MEFV: variants seen among roughly 807,000 people sequenced by gnomAD.
The protein encoded by MEFV is MEFV innate immunity regulator, pyrin, also known as pyrin.
A neutral mutation model predicts 62.5 loss-of-function variants in MEFV; 60 were observed. The observed-to-expected ratio is 0.96, with a 90% CI of 0.78 to 1.19. The LOEUF is 1.19. Among genes scored for constraint, MEFV ranks in the 50% most tolerant of loss-of-function variants. MEFV has a pLI of 0.00. For missense variants in MEFV, 1,169 were observed against 1,004.5 expected (o/e 1.16, Z -2.21); for synonymous variants, 500 against 415.2 (o/e 1.20, Z -2.48).
At chr16:3,246,907 C>T in intron 5 of MEFV, 109 bp downstream of exon 5, 1 of 1,089,802 alleles carries the variant, frequency 9.2e-7, no homozygotes, top group Non-Finnish European at 1.4e-6. Flanking sequence ...TATCCTAGGC[C>T]TTAGGGGCTT....
Position 3,254,308 on chromosome 16 carries a change from G to A in MEFV, c.760C>T (p.Pro254Ser), listed in dbSNP as rs147421301. ...EVTISTGEKA[P>S]ANPEILLTLE... ...GTCAGGAGAATTTCTGGATTTGCGGGCGCCTTCTCCCCTGTAGAAATGGTG... is the reference window on the plus strand; with the variant it reads ...GTCAGGAGAATTTCTGGATTTGCGGACGCCTTCTCCCCTGTAGAAATGGTG... The change falls in exon 2 of 10, where the codon CCC becomes TCC. Residue 254 changes from proline (P) to serine (S), a missense_variant. Transcript: ENST00000219596. The A allele has an allele frequency of 1.2e-5, 19 of 1,614,124 alleles. No individual in the cohort carries two copies. In the African/African-American group the frequency reaches 2.1e-4, roughly 18 times the overall value.
rs104895098 is a variant in MEFV, at chr16:3,243,423, G to A, written c.2064C>T (p.Tyr688=). The A allele has an allele frequency of 3.7e-6, 6 of 1,614,012 alleles. No homozygotes were observed. Among genetic ancestry groups the A allele is most frequent in the African/African-American group, 1.3e-5 (1 of 74,894 alleles). The change falls in exon 10 of 10, where the codon TAC becomes TAT. Residue 688 remains tyrosine, a synonymous_variant. Coordinates refer to ENST00000219596, the MANE Select transcript of MEFV (RefSeq NM_000243.3). ...GNMTLSPENG[Y]WVVIMMKENE... The stretch of plus-strand genomic sequence containing the variant: ...TTTCCTTCATCATTATCACCACCCA[G>A]TAGCCATTCTCTGGCGACAGAGTCA...
At chr16:3,244,222 A>C (rs1206340769) in intron 8 of MEFV, 32 bp downstream of exon 8, 3 of 1,613,754 alleles carry the variant, frequency 1.9e-6, no homozygotes, top group Non-Finnish European at 2.5e-6. Flanking sequence ...CAACAACCCC[A>C]GGCCAGCACA....
chr16:3,254,525 G>A lies in MEFV; in HGVS notation c.543C>T (p.Ala181=). 2 of 1,556,558 alleles carry A rather than the reference G, an allele frequency of 1.3e-6. No individual in the cohort carries two copies. The highest frequency in any genetic ancestry group is 1.7e-6 in the Non-Finnish European group (2 of 1,154,590). Reference sequence around the variant, plus strand: ...GGCCGGGGCTTCTCCCGCCCGGCAGGGCCGGGCTCCGGGTCCGAGGCTTGC... The same window carrying A: ...GGCCGGGGCTTCTCCCGCCCGGCAGAGCCGGGCTCCGGGTCCGAGGCTTGC... ...AQGKPRTRSP[A]LPGGRSPGPC... Residue 181 remains alanine, a synonymous_variant, in exon 2 of 10, where the codon GCC becomes GCT. Coordinates refer to ENST00000219596, the MANE Select transcript of MEFV (RefSeq NM_000243.3).
Position 3,255,609 on chromosome 16 carries a change from G to A in MEFV, c.277+702C>T, listed in dbSNP as rs186554321. On this transcript the variant is annotated intron_variant, in intron 1 of 9. Coordinates refer to ENST00000219596, the MANE Select transcript of MEFV (RefSeq NM_000243.3). ...TTTGGTAGAGACAGGGTTTCACCATGTTGCCCAAGCTGGTCTCAAACTCCT... is the reference window on the plus strand; with the variant it reads ...TTTGGTAGAGACAGGGTTTCACCATATTGCCCAAGCTGGTCTCAAACTCCT... Among the ~76,000 whole-genome samples, 29 of 151,856 alleles carry A rather than the reference G, an allele frequency of 1.9e-4. No homozygotes were observed. The East Asian group carries it at 5.4e-3, about 28-fold the overall frequency.
chr16:3,243,018 G>A lies in MEFV; in HGVS notation c.*123C>T, dbSNP rs907842839. The A allele has an allele frequency of 1.7e-5, 20 of 1,145,246 alleles. No individual in the cohort carries two copies. Among genetic ancestry groups the A allele is most frequent in the Admixed American group, 1.6e-4 (8 of 51,344 alleles). 70.9% of individuals were successfully genotyped at this position (1,145,246 alleles called of 1,614,324 possible). ...TAATCGGGTAGGCTCCGTGGGCACAGTAACTATTTTGTTATTTTTGCATTT... is the reference window on the plus strand; with the variant it reads ...TAATCGGGTAGGCTCCGTGGGCACAATAACTATTTTGTTATTTTTGCATTT... On this transcript the variant is annotated 3_prime_UTR_variant, in exon 10 of 10. Transcript: ENST00000219596.
chr16:3,249,381 G>T, intron 3 of MEFV, 50 bp downstream of exon 3: 1 of 1,518,558 alleles, frequency 6.6e-7, no homozygotes, highest in Non-Finnish European at 9.1e-7. Flanking sequence ...GTAAGGCCCA[G>T]TGTGTCCAAG....
chr16:3,254,214 C>G lies in MEFV; in HGVS notation c.854G>C (p.Gly285Ala). ...TEPRARPTPD[G>A]GASADLKEGP... ...TTCCTTCAGGTCCGCAGATGCCCCT[C>G]CATCCGGAGTGGGCCTTGCCCGGGG... is the stretch of plus-strand genomic sequence containing the variant. Residue 285 changes from glycine to alanine, a missense_variant, in exon 2 of 10, where the codon GGA (glycine) becomes GCA (alanine). Transcript: ENST00000219596. 4 of 1,614,278 alleles carry G rather than the reference C, an allele frequency of 2.5e-6. No homozygotes were observed. The highest frequency in any genetic ancestry group is 3.4e-6 in the Non-Finnish European group (4 of 1,180,040).
rs1567234671 is a variant in MEFV at position 3,249,593 on chromosome 16, G to C, written c.1098C>G (p.Ser366Arg). ...ACTGTGGCAGGGGCTGGGGGCTTAG[G>C]CTTCCCGGGCTCTTCCTTTCATGGG... ...QDSHERKSPG[S>R]LSPQPLPQCK... The change falls in exon 3 of 10, where the codon AGC becomes AGG. Residue 366 changes from serine to arginine, a missense_variant. Transcript: ENST00000219596. 1 of 1,614,202 alleles carries C rather than the reference G, an allele frequency of 6.2e-7. No homozygotes were observed. Among genetic ancestry groups the C allele is most frequent in the Admixed American group, 1.7e-5 (1 of 60,028 alleles).
intron 2 of MEFV, among the ~76,000 whole-genome samples, chr16:3,251,427 G>A (rs1280141550): frequency 2.0e-5 from 3 of 152,154 alleles, no homozygotes; most frequent in East Asian, 1.9e-4. Flanking sequence ...AGAAGCTTGA[G>A]GACAAACTTG....
rs1958945420 is a variant in MEFV, at chr16:3,246,545, G to T, written c.1590C>A (p.Asp530Glu). 2 of 1,614,094 alleles carry T rather than the reference G, an allele frequency of 1.2e-6. No homozygotes were observed. Among genetic ancestry groups the T allele is most frequent in the East Asian group, 4.5e-5 (2 of 44,886 alleles). Reference sequence around the variant, plus strand: ...TGTACCTGTGCAAGATGTCTCCAATGTCCTAGGAGAAAAAAGAAGGAAACT... The same window carrying T: ...TGTACCTGTGCAAGATGTCTCCAATTTCCTAGGAGAAAAAAGAAGGAAACT... ...ECQSEWELLQDIGDILHRAKT... is the reference protein window; with the variant it reads ...ECQSEWELLQEIGDILHRAKT... Residue 530 changes from aspartate (D) to glutamate (E), a missense_variant and splice_region_variant, in exon 6 of 10, where the codon GAC becomes GAA. Physicochemically the swap from Asp to Glu is conservative, Grantham distance 45. Coordinates refer to ENST00000219596, the MANE Select transcript of MEFV (RefSeq NM_000243.3).
intron 5 of MEFV, 79 bp downstream of exon 5, chr16:3,246,937 G>A (rs903157481): frequency 2.6e-5 from 35 of 1,366,628 alleles, no homozygotes; most frequent in African/African-American, 1.1e-4. Flanking sequence ...GTTCCAGCAC[G>A]GCTGATGGCA....
chr16:3,249,082 A>G, intron 3 of MEFV, 78 bp from the exon 4 acceptor site: 1 of 1,398,610 alleles, frequency 7.1e-7, no homozygotes, highest in South Asian at 1.2e-5. Flanking sequence ...GGAGGGGAAC[A>G]TCTCCTTCTG....
rs534411101 is a variant in MEFV, at chr16:3,249,113, G to T, written c.1261-109C>A. On this transcript the variant is annotated intron_variant, in intron 3 of 9. Transcript: ENST00000219596. ...TTCTGGTAGCAAGGCTGAGGGTGCT[G>T]CTGCCAGCGGCATGGGGAGGGGTGC... The T allele has an allele frequency of 1.0e-4, 112 of 1,114,146 alleles. 1 individual carries two copies. The South Asian group carries it at 1.4e-3, about 14-fold the overall frequency. The allele number at this position is 1,114,146 out of a possible 1,614,324, so 69.0% of individuals were successfully genotyped here.
In MEFV at chr16:3,249,009, A is replaced by T; in HGVS notation, c.1261-5T>A. ...CAGCTGCTTCTGAATTTTCTTCTGGAAAAACAGCACTTGTTGAAAAGCTTG... is the reference window on the plus strand; with the variant it reads ...CAGCTGCTTCTGAATTTTCTTCTGGTAAAACAGCACTTGTTGAAAAGCTTG... On this transcript the variant is annotated splice_region_variant and splice_polypyrimidine_tract_variant and intron_variant, in intron 3 of 9. Coordinates refer to ENST00000219596, the MANE Select transcript of MEFV (RefSeq NM_000243.3). 2 of 1,613,990 alleles carry T rather than the reference A, an allele frequency of 1.2e-6. No homozygotes were observed. The highest frequency in any genetic ancestry group is 1.7e-6 in the Non-Finnish European group (2 of 1,179,932).
At position 3,243,920 on chromosome 16, in the gene MEFV, A is replaced by T. The variant is rs104895169; in HGVS notation, c.1760-28T>A. The T allele has an allele frequency of 4.3e-4, 701 of 1,613,670 alleles. No homozygotes were observed. Among genetic ancestry groups the T allele is most frequent in the Non-Finnish European group, 5.3e-4 (630 of 1,179,864 alleles). ...ACGGAGAAAAATCAGATAGGGAAAAAAATCCTGAGCATTAGCATTAAGAGG... is the reference window on the plus strand; with the variant it reads ...ACGGAGAAAAATCAGATAGGGAAAATAATCCTGAGCATTAGCATTAAGAGG... On this transcript the variant is annotated intron_variant, in intron 8 of 9. Transcript: ENST00000219596.
chr16:3,250,774 C>T (rs1455976869), intron 2 of MEFV, among the ~76,000 whole-genome samples: 2 of 151,232 alleles, frequency 1.3e-5, no homozygotes, highest in East Asian at 1.9e-4. Flanking sequence ...GCCTGTAATC[C>T]CAGCACTTTG....
intron 6 of MEFV, among the ~76,000 whole-genome samples, 156 bp from the exon 7 acceptor site, chr16:3,244,744 TG>T (rs1958913825): frequency 6.6e-6 from 1 of 152,220 alleles, no homozygotes. Flanking sequence ...GTCTAAATGC[TG>T]GTCCTCAACT....
At chr16:3,251,023 CAAAAAAAAA>C (rs58529756) in intron 2 of MEFV, among the ~76,000 whole-genome samples, 89 of 49,410 alleles carry the variant, frequency 1.8e-3, no homozygotes, top group African/African-American at 5.3e-3. Context: ...GACTCCATCT[CAAAAAAAAA>C]AAAAAAAAAA....
Sources: allele counts gnomAD v4.1 joint callset (sites outside exome capture counted in the v4.1 genomes callset), GRCh38; gene constraint gnomAD v4.1.1; transcripts MANE v1.5; gene names NCBI Gene and HGNC (gene_info 2026-07-23, HGNC 2026-07-21).